CA10: variants seen among roughly 807,000 people sequenced by gnomAD.
CA10 encodes the protein carbonic anhydrase 10 (inactive).
In CA10, 14 loss-of-function variants were observed where a neutral mutation model predicts 44.2. The ratio of observed to expected loss-of-function variants is 0.32; its 90% CI spans 0.21 to 0.50. CA10 has a LOEUF of 0.50. Ranked by LOEUF, CA10 falls within the 20% of genes least tolerant of loss-of-function variation. CA10 has a pLI of 0.99. For missense variants in CA10, 350 were observed against 409.7 expected, an observed-to-expected ratio of 0.85 and a Z score of 1.26; for synonymous variants, 159 against 141.6, an observed-to-expected ratio of 1.12 and a Z score of -0.87.
chr17:51,937,583 C>A (rs1417438844), intron 2 of CA10, among the ~76,000 whole-genome samples: 1 of 152,010 alleles, frequency 6.6e-6, no homozygotes, highest in Non-Finnish European at 1.5e-5. Flanking sequence ...TTGCATATAT[C>A]CTATTTAACC....
intron 1 of CA10, among the ~76,000 whole-genome samples, chr17:52,111,472 T>G (rs746719690): frequency 3.3e-5 from 5 of 152,212 alleles, no homozygotes; most frequent in Admixed American, 6.5e-5. Context: ...TTTAAAGAGA[T>G]AGAAGATGTG....
chr17:51,913,122 C>G (rs996841085), intron 3 of CA10, among the ~76,000 whole-genome samples: 1 of 152,104 alleles, frequency 6.6e-6, no homozygotes, highest in Non-Finnish European at 1.5e-5. Flanking sequence ...ATTTCTTTCC[C>G]GTGCACAGGG....
chr17:52,023,545 A>T (rs944175564), intron 2 of CA10, among the ~76,000 whole-genome samples: 1 of 152,172 alleles, frequency 6.6e-6, no homozygotes, highest in African/African-American at 2.4e-5. Context: ...ACCCTAATGG[A>T]CATGGCCTTA....
chr17:51,868,911 G>T, intron 3 of CA10, among the ~76,000 whole-genome samples: 1 of 149,622 alleles, frequency 6.7e-6, no homozygotes. Context: ...TTTTACAAAA[G>T]ATGTTATAAA....
At chr17:52,104,779 C>T (rs1988621739) in intron 1 of CA10, among the ~76,000 whole-genome samples, 1 of 152,178 alleles carries the variant, frequency 6.6e-6, no homozygotes, top group African/African-American at 2.4e-5. Flanking sequence ...AATTGTGGGC[C>T]CTGGGTGCCT....
intron 6 of CA10, among the ~76,000 whole-genome samples, chr17:51,642,767 C>T (rs926926557): frequency 6.6e-6 from 1 of 152,068 alleles, no homozygotes; most frequent in Admixed American, 6.5e-5. Context: ...CTCAGCCTCC[C>T]GAGTAGCTGG....
chr17:52,019,452 G>T (rs1442337683), intron 2 of CA10, among the ~76,000 whole-genome samples: 1 of 152,024 alleles, frequency 6.6e-6, no homozygotes, highest in African/African-American at 2.4e-5. Context: ...GGAGAGAAGG[G>T]TTATTTTGGT....
intron 2 of CA10, among the ~76,000 whole-genome samples, chr17:51,953,130 A>C (rs1983543943): frequency 6.6e-6 from 1 of 152,144 alleles, no homozygotes; most frequent in Non-Finnish European, 1.5e-5. Flanking sequence ...GATTGGACTC[A>C]GACTGATGCA....
At chr17:51,660,268 G>A (rs1913951331) in intron 4 of CA10, among the ~76,000 whole-genome samples, 1 of 152,174 alleles carries the variant, frequency 6.6e-6, no homozygotes, top group South Asian at 2.1e-4. Flanking sequence ...CATCCTAAGG[G>A]TAACGAAGAA....
chr17:51,733,172 T>A (rs1163053101), intron 4 of CA10, among the ~76,000 whole-genome samples: 2 of 152,212 alleles, frequency 1.3e-5, no homozygotes, highest in Non-Finnish European at 2.9e-5. Flanking sequence ...GTAGCACAGT[T>A]CCTGGCTTAG....
chr17:51,649,768 A>T (rs1913484578), intron 5 of CA10, among the ~76,000 whole-genome samples: 1 of 152,082 alleles, frequency 6.6e-6, no homozygotes, highest in African/African-American at 2.4e-5. Context: ...CAGGGGCCAG[A>T]TCATGTCAGG....
At chr17:51,689,029 C>T (rs1310059332) in intron 4 of CA10, among the ~76,000 whole-genome samples, 1 of 152,268 alleles carries the variant, frequency 6.6e-6, no homozygotes, top group Non-Finnish European at 1.5e-5. Flanking sequence ...GATTTAAGCA[C>T]GCAGTAGAGC....
intron 2 of CA10, among the ~76,000 whole-genome samples, chr17:51,989,047 T>C (rs1916001568): frequency 6.6e-6 from 1 of 152,024 alleles, no homozygotes; most frequent in Non-Finnish European, 1.5e-5. Context: ...AGATCCTTGT[T>C]CTTCAAAATA....
At chr17:51,805,191 T>C (rs1000982157) in intron 3 of CA10, among the ~76,000 whole-genome samples, 19 of 152,252 alleles carry the variant, frequency 1.2e-4, no homozygotes, top group African/African-American at 4.3e-4. Flanking sequence ...CATGTTAACA[T>C]GCCATGTTCT....
At chr17:52,070,900 C>A (rs1407632889) in intron 2 of CA10, among the ~76,000 whole-genome samples, 2 of 152,190 alleles carry the variant, frequency 1.3e-5, no homozygotes, top group African/African-American at 4.8e-5. Flanking sequence ...GTTGTACTAA[C>A]TTAGCAAGAC....
intron 3 of CA10, among the ~76,000 whole-genome samples, chr17:51,813,497 C>T (rs1415592325): frequency 2.6e-5 from 4 of 152,196 alleles, no homozygotes; most frequent in African/African-American, 9.6e-5. Flanking sequence ...TTCAGATGAT[C>T]AGGACCTGTT....
intron 3 of CA10, among the ~76,000 whole-genome samples, chr17:51,787,398 T>A (rs953167355): frequency 2.0e-5 from 3 of 152,240 alleles, no homozygotes; most frequent in Admixed American, 1.3e-4. Context: ...CCATTTCTCC[T>A]AGATTATCCA....
Position 51,853,710 on chromosome 17 carries a change from G to C in CA10, c.279+77280C>G, listed in dbSNP as rs538964428. ...ATTGTAATCTCCACGTGTCGCGGGA[G>C]GGAGGTGAATGGATCATGGGGGCGG... On this transcript the variant is annotated intron_variant, in intron 3 of 8. Coordinates refer to ENST00000451037, the MANE Select transcript of CA10 (RefSeq NM_020178.5). Among the ~76,000 whole-genome samples, 441 of 152,258 alleles carry C rather than the reference G, an allele frequency of 2.9e-3. 2 individuals are homozygous for C. The highest frequency in any genetic ancestry group is 5.1e-3 in the Non-Finnish European group (349 of 68,020).
At chr17:51,901,813 A>G (rs528773706) in intron 3 of CA10, among the ~76,000 whole-genome samples, 13 of 152,312 alleles carry the variant, frequency 8.5e-5, no homozygotes, top group African/African-American at 3.1e-4. Context: ...ATTAGAAATC[A>G]TTAGGAACAG....
Sources: allele counts gnomAD v4.1 joint callset (sites outside exome capture counted in the v4.1 genomes callset), GRCh38; gene constraint gnomAD v4.1.1; transcripts MANE v1.5; gene names NCBI Gene and HGNC (gene_info 2026-07-23, HGNC 2026-07-21).